Variants in GCGR observed in about 807,000 individuals in gnomAD.
The protein encoded by GCGR is glucagon receptor.
GCGR carries 41 observed loss-of-function variants against 56.1 expected under a neutral mutation model. The ratio of observed to expected loss-of-function variants is 0.73; its 90% CI spans 0.57 to 0.95. The LOEUF (loss-of-function observed/expected upper bound fraction) is 0.95, where lower values mean the gene tolerates loss of function less well. Ranked by LOEUF, GCGR falls within the 40% of genes least tolerant of loss-of-function variation. GCGR has a pLI of 0.00. For synonymous variants in GCGR, 278 were observed against 271.1 expected, an observed-to-expected ratio of 1.03 and a Z score of -0.25; for missense variants, 595 against 638.2, an observed-to-expected ratio of 0.93 and a Z score of 0.73.
At position 81,811,412 on chromosome 17, in the gene GCGR, A is replaced by G; in HGVS notation, c.509A>G (p.His170Arg). The G allele has an allele frequency of 6.5e-7, 1 of 1,536,402 alleles. No homozygotes were observed. The highest frequency in any genetic ancestry group is 8.7e-7 in the Non-Finnish European group (1 of 1,146,838). Residue 170 changes from histidine (H) to arginine (R), a missense_variant, in exon 7 of 14, where the codon CAC becomes CGC. Physicochemically the swap from His to Arg is conservative, Grantham distance 29. Transcript: ENST00000400723. This position sits in a 1 kb window ranked among gnomAD's most constrained non-coding sequence, Gnocchi z 5.8. ...LAILGGLSKLHCTRNAIHANL... is the reference protein window; with the variant it reads ...LAILGGLSKLRCTRNAIHANL... ...ACTGGCTGTGCCCACAGCAAGCTGCACTGCACCCGCAATGCCATCCACGCG... is the reference window on the plus strand; with the variant it reads ...ACTGGCTGTGCCCACAGCAAGCTGCGCTGCACCCGCAATGCCATCCACGCG...
chr17:81,805,077 C>G (rs982176424), intron 1 of GCGR: 1 of 152,408 alleles, frequency 6.6e-6, no homozygotes, highest in South Asian at 2.1e-4. Context: ...CCCCGGTGCC[C>G]TGACCTTCCA....
rs186436210 is a variant in GCGR at position 81,812,749 on chromosome 17, C to G, written c.1038-58C>G. 36 of 1,515,470 alleles carry G rather than the reference C, an allele frequency of 2.4e-5. No homozygotes were observed. Among genetic ancestry groups the G allele is most frequent in the Non-Finnish European group, 2.9e-5 (33 of 1,131,060 alleles). The allele number at this position is 1,515,470 out of a possible 1,614,324, so 93.9% of individuals were successfully genotyped here. On this transcript the variant is annotated intron_variant, in intron 11 of 13. Coordinates refer to ENST00000400723, the MANE Select transcript of GCGR (RefSeq NM_000160.5). This position sits in a 1 kb window ranked among gnomAD's most constrained non-coding sequence, Gnocchi z 8.5. ...CTGGGGGTGGGGACTCCAAGCTCCA[C>G]GTGGATGGTGCGGGCCGAGGGTGGG... is the stretch of plus-strand genomic sequence containing the variant.
At position 81,806,859 on chromosome 17, in the gene GCGR, C is replaced by T. The variant is rs1385889181; in HGVS notation, c.-177-1983C>T. On this transcript the variant is annotated intron_variant, in intron 1 of 13. Coordinates refer to ENST00000400723, the MANE Select transcript of GCGR (RefSeq NM_000160.5). This position sits in a 1 kb window ranked among gnomAD's most constrained non-coding sequence, Gnocchi z 6.5. ...GCCAGTGTCCTTCCTCCTTGTCCCCCGCCTGCATCTCCACCATCCACCCTG... is the reference window on the plus strand; with the variant it reads ...GCCAGTGTCCTTCCTCCTTGTCCCCTGCCTGCATCTCCACCATCCACCCTG... 6.6e-6 allele frequency among the ~76,000 whole-genome samples: 1 copy of T among 151,920 alleles called. No individual in the cohort carries two copies. Among genetic ancestry groups the T allele is most frequent in the East Asian group, 1.9e-4 (1 of 5,168 alleles).
At position 81,811,698 on chromosome 17, in the gene GCGR, C is replaced by T. The variant is rs1360345673; in HGVS notation, c.705C>T (p.Ile235=). ...RVAAVFMQYG[I]VANYCWLLVE... is the part of the protein sequence containing the mutation. ...CCGCGGTGTTCATGCAATATGGCAT[C>T]GTGGCCAACTACTGCTGGCTGCTGG... The change falls in exon 8 of 14, where the codon ATC becomes ATT. Residue 235 remains isoleucine, a synonymous_variant. Coordinates refer to ENST00000400723, the MANE Select transcript of GCGR (RefSeq NM_000160.5). The surrounding 1 kb of genome is among the most constrained non-coding windows in gnomAD (Gnocchi z 5.8). 6.5e-6 allele frequency: 10 copies of T among 1,542,602 alleles called. No individual in the cohort carries two copies. Among genetic ancestry groups the T allele is most frequent in the South Asian group, 2.4e-5 (2 of 84,390 alleles).
rs1157354456 is a variant in GCGR, at chr17:81,813,006, G to C, written c.1177-10G>C. On this transcript the variant is annotated splice_polypyrimidine_tract_variant and intron_variant, in intron 12 of 13. Coordinates refer to ENST00000400723, the MANE Select transcript of GCGR (RefSeq NM_000160.5). This position sits in a 1 kb window ranked among gnomAD's most constrained non-coding sequence, Gnocchi z 5.3. Reference sequence around the variant, plus strand: ...GCAGTGTGCCACCCCTGACCACCCTGTCTCTCCAGGGCCTGCTGGTGGCTG... The same window carrying C: ...GCAGTGTGCCACCCCTGACCACCCTCTCTCTCCAGGGCCTGCTGGTGGCTG... The C allele has an allele frequency of 6.5e-7, 1 of 1,536,278 alleles. No homozygotes were observed. Among genetic ancestry groups the C allele is most frequent in the Non-Finnish European group, 8.7e-7 (1 of 1,146,818 alleles).
In GCGR at chr17:81,810,937, C is replaced by T; in HGVS notation, c.271+5C>T. ...ACCTGCCTTGGCACCACAAAGGTAC[C>T]CATAGAGGGGAGGAACTGTGGGGGG... is the stretch of plus-strand genomic sequence containing the variant. On this transcript the variant is annotated splice_donor_5th_base_variant and intron_variant, in intron 4 of 13. Coordinates refer to ENST00000400723, the MANE Select transcript of GCGR (RefSeq NM_000160.5). This position sits in a 1 kb window ranked among gnomAD's most constrained non-coding sequence, Gnocchi z 4.6. 1 of 1,536,386 alleles carries T rather than the reference C, an allele frequency of 6.5e-7. No homozygotes were observed. The highest frequency in any genetic ancestry group is 8.7e-7 in the Non-Finnish European group (1 of 1,146,770).
In GCGR at chr17:81,812,966, T is replaced by A. The variant is rs1463579394; in HGVS notation, c.1176+21T>A. On this transcript the variant is annotated intron_variant, in intron 12 of 13. Coordinates refer to ENST00000400723, the MANE Select transcript of GCGR (RefSeq NM_000160.5). The surrounding 1 kb of genome is among the most constrained non-coding windows in gnomAD (Gnocchi z 8.5). ...TCCAGGTGCCCGCCCGCCCGCCGGC[T>A]CCCCCGCCCGGGGCGCAGTGTGCCA... 1 of 1,535,634 alleles carries A rather than the reference T, an allele frequency of 6.5e-7. No individual in the cohort carries two copies. The highest frequency in any genetic ancestry group is 1.2e-5 in the South Asian group (1 of 84,032).
Position 81,812,895 on chromosome 17 carries a change from A to G in GCGR, c.1126A>G (p.Thr376Ala). The change falls in exon 12 of 14, where the codon ACC (threonine) becomes GCC (alanine). Residue 376 changes from threonine to alanine, a missense_variant. Physicochemically the swap from Thr to Ala is moderately conservative, Grantham distance 58. Transcript: ENST00000400723. The surrounding 1 kb of genome is among the most constrained non-coding windows in gnomAD (Gnocchi z 8.5). The part of the protein sequence containing the change: ...AFVTDEHAQG[T>A]LRSAKLFFDL... ...CGTGACGGACGAGCACGCCCAGGGC[A>G]CCCTGCGCTCCGCCAAGCTCTTCTT... The G allele has an allele frequency of 1.3e-6, 2 of 1,536,058 alleles. No homozygotes were observed. The highest frequency in any genetic ancestry group is 8.7e-7 in the Non-Finnish European group (1 of 1,146,760).
At position 81,811,679 on chromosome 17, in the gene GCGR, T is replaced by G. The variant is rs1423606565; in HGVS notation, c.686T>G (p.Val229Gly). ...GTGGCTGGCTGCCGTGTGGCCGCGG[T>G]GTTCATGCAATATGGCATCGTGGCC... ...GAVAGCRVAA[V>G]FMQYGIVANY... Residue 229 changes from valine to glycine, a missense_variant, in exon 8 of 14, where the codon GTG (valine) becomes GGG (glycine). Val to Gly is a moderately radical substitution (Grantham distance 109). Coordinates refer to ENST00000400723, the MANE Select transcript of GCGR (RefSeq NM_000160.5). This position sits in a 1 kb window ranked among gnomAD's most constrained non-coding sequence, Gnocchi z 5.8. 6.5e-7 allele frequency: 1 copy of G among 1,538,618 alleles called. No individual in the cohort carries two copies. The highest frequency in any genetic ancestry group is 8.7e-7 in the Non-Finnish European group (1 of 1,148,208).
Position 81,812,402 on chromosome 17 carries a change from A to T in GCGR, c.948+150A>T, listed in dbSNP as rs548672845. 376 of 1,051,204 alleles carry T rather than the reference A, an allele frequency of 3.6e-4. No homozygotes were observed. Among genetic ancestry groups the T allele is most frequent in the Non-Finnish European group, 4.7e-4 (340 of 725,478 alleles). 65.1% of individuals were successfully genotyped at this position (1,051,204 alleles called of 1,614,324 possible). A position where few individuals can be genotyped will look rare whatever the true frequency, so the allele number is the denominator to read the frequency against. On this transcript the variant is annotated intron_variant, in intron 10 of 13. Transcript: ENST00000400723. The surrounding 1 kb of genome is among the most constrained non-coding windows in gnomAD (Gnocchi z 8.5). ...ACCAGGACACTGGCCAGCACCCTGG[A>T]CACTGAGCCAGGCTGTTCCTCCCTG... is the stretch of plus-strand genomic sequence containing the variant.
Position 81,810,788 on chromosome 17 carries a change from C to G in GCGR, c.164-37C>G. On this transcript the variant is annotated intron_variant, in intron 3 of 13. Transcript: ENST00000400723. This position sits in a 1 kb window ranked among gnomAD's most constrained non-coding sequence, Gnocchi z 4.6. ...GAGGGAGCCCCTTCTCCCACCCTGC[C>G]CTGCCCTGCTCTGCCCTGCCCTACC... 6.6e-7 allele frequency: 1 copy of G among 1,525,298 alleles called. No individual in the cohort carries two copies. The highest frequency in any genetic ancestry group is 8.8e-7 in the Non-Finnish European group (1 of 1,136,638). The allele number at this position is 1,525,298 out of a possible 1,614,324, so 94.5% of individuals were successfully genotyped here.
In GCGR at chr17:81,809,804, T is replaced by G; in HGVS notation, c.83T>G (p.Val28Gly). ...ACQPQVPSAQVMDFLFEKWKL... is the reference protein window; with the variant it reads ...ACQPQVPSAQGMDFLFEKWKL... ...CAGCCACAGGTCCCCTCCGCTCAGG[T>G]GATGGACTTCCTGTTTGAGAAGTGG... Residue 28 changes from valine (V) to glycine (G), a missense_variant, in exon 3 of 14, where the codon GTG becomes GGG. Transcript: ENST00000400723. 1 of 1,536,608 alleles carries G rather than the reference T, an allele frequency of 6.5e-7. No homozygotes were observed.
In GCGR at chr17:81,812,877, G is replaced by T. The variant is rs930645674; in HGVS notation, c.1108G>T (p.Asp370Tyr). The T allele has an allele frequency of 1.3e-6, 2 of 1,536,084 alleles. No homozygotes were observed. Among genetic ancestry groups the T allele is most frequent in the Non-Finnish European group, 1.7e-6 (2 of 1,146,760 alleles). ...CGAAGTGGTCTTCGCCTTCGTGACG[G>T]ACGAGCACGCCCAGGGCACCCTGCG... The part of the protein sequence containing the change: ...VHEVVFAFVT[D>Y]EHAQGTLRSA... The change falls in exon 12 of 14, where the codon GAC becomes TAC. Residue 370 changes from aspartate (D) to tyrosine (Y), a missense_variant. Transcript: ENST00000400723. This position sits in a 1 kb window ranked among gnomAD's most constrained non-coding sequence, Gnocchi z 8.5.
Position 81,804,525 on chromosome 17 carries a change from G to T in GCGR, c.-178+276G>T, listed in dbSNP as rs997426417. ...CTGGGGGGCGCGGCTGGGGGCGGGG[G>T]TGTCGCTGGCCGCCTGGCGCCCTGC... On this transcript the variant is annotated intron_variant, in intron 1 of 13. Transcript: ENST00000400723. This position sits in a 1 kb window ranked among gnomAD's most constrained non-coding sequence, Gnocchi z 8.2. 6.6e-6 allele frequency among the ~76,000 whole-genome samples: 1 copy of T among 151,888 alleles called. No homozygotes were observed.
At position 81,812,913 on chromosome 17, in the gene GCGR, CTCT is replaced by C. The variant is rs1197305386; in HGVS notation, c.1150_1152del (p.Phe384del). 2.6e-6 allele frequency: 4 copies of C among 1,536,016 alleles called. No individual in the cohort carries two copies. In the African/African-American group the frequency reaches 5.5e-5, roughly 21 times the overall value. ...CCAGGGCACCCTGCGCTCCGCCAAG[CTCT>C]TCTTCGACCTCTTCCTCAGCTCCTT... On this transcript the variant is annotated inframe_deletion, in exon 12 of 14. Coordinates refer to ENST00000400723, the MANE Select transcript of GCGR (RefSeq NM_000160.5). The surrounding 1 kb of genome is among the most constrained non-coding windows in gnomAD (Gnocchi z 8.5).
At chr17:81,809,678 T>C in intron 2 of GCGR, 104 bp from the exon 3 acceptor site, 1 of 822,390 alleles carries the variant, frequency 1.2e-6, no homozygotes, top group Non-Finnish European at 2.0e-6. Context: ...TGTCTGTCCA[T>C]CTGCCTATCC....
rs564278208 is a variant in GCGR, at chr17:81,804,833, C to T, written c.-178+584C>T. Among the ~76,000 whole-genome samples the T allele has an allele frequency of 1.4e-3, 219 of 152,294 alleles. 1 individual carries two copies. Among genetic ancestry groups the T allele is most frequent in the African/African-American group, 5.0e-3 (209 of 41,568 alleles). On this transcript the variant is annotated intron_variant, in intron 1 of 13. Transcript: ENST00000400723. The surrounding 1 kb of genome is among the most constrained non-coding windows in gnomAD (Gnocchi z 8.2). ...CTGCCCTGCCCGGCTCCGGCCCCCCCGGCGCCCCACCACCCGGCCGACTCG... is the reference window on the plus strand; with the variant it reads ...CTGCCCTGCCCGGCTCCGGCCCCCCTGGCGCCCCACCACCCGGCCGACTCG...
At position 81,812,325 on chromosome 17, in the gene GCGR, C is replaced by T. The variant is rs2038119760; in HGVS notation, c.948+73C>T. On this transcript the variant is annotated intron_variant, in intron 10 of 13. Transcript: ENST00000400723. This position sits in a 1 kb window ranked among gnomAD's most constrained non-coding sequence, Gnocchi z 8.5. ...GGCGTCCTGAGGCTGCCCCAGGAGA[C>T]AGCAGCATCCTGTCTGAGAGCGCTG... 6.7e-7 allele frequency: 1 copy of T among 1,483,280 alleles called. No individual in the cohort carries two copies. 91.9% of individuals were successfully genotyped at this position (1,483,280 alleles called of 1,614,324 possible).
Position 81,810,608 on chromosome 17 carries a change from C to T in GCGR, c.164-217C>T, listed in dbSNP as rs891255897. The stretch of plus-strand genomic sequence containing the variant: ...TTCAGGGCTGGGCTGGGCGTGCTAG[C>T]GGAGGCTGGTCCAGGGGAGGTGGAT... On this transcript the variant is annotated intron_variant, in intron 3 of 13. Transcript: ENST00000400723. The surrounding 1 kb of genome is among the most constrained non-coding windows in gnomAD (Gnocchi z 4.6). Among the ~76,000 whole-genome samples, 2 of 151,152 alleles carry T rather than the reference C, an allele frequency of 1.3e-5. No homozygotes were observed. Among genetic ancestry groups the T allele is most frequent in the Admixed American group, 6.6e-5 (1 of 15,202 alleles).
Sources: allele counts gnomAD v4.1 joint callset (sites outside exome capture counted in the v4.1 genomes callset), GRCh38; gene constraint gnomAD v4.1.1; non-coding constraint Gnocchi (gnomAD v3.1); transcripts MANE v1.5; gene names NCBI Gene and HGNC (gene_info 2026-07-23, HGNC 2026-07-21).